B3GNT3: variants seen among roughly 807,000 people sequenced by gnomAD.
B3GNT3 encodes UDP-GlcNAc:betaGal beta-1,3-N-acetylglucosaminyltransferase 3.
B3GNT3 carries 7 observed loss-of-function variants against 11.6 expected under a neutral mutation model. The ratio of observed to expected loss-of-function variants is 0.60; its 90% CI spans 0.34 to 1.13. The LOEUF (loss-of-function observed/expected upper bound fraction) is 1.13. Among genes scored for constraint, B3GNT3 ranks in the 50% most tolerant of loss-of-function variants. B3GNT3 has a pLI of 0.03. For missense variants in B3GNT3, 400 were observed against 507.4 expected, an observed-to-expected ratio of 0.79 and a Z score of 2.03; for synonymous variants, 201 against 222.1, an observed-to-expected ratio of 0.90 and a Z score of 0.85.
intron 1 of B3GNT3, among the ~76,000 whole-genome samples, chr19:17,800,381 G>A (rs921953892): frequency 6.6e-6 from 1 of 151,972 alleles, no homozygotes; most frequent in Non-Finnish European, 1.5e-5. Context: ...TCTGTCTCCA[G>A]AATAAAACCA....
chr19:17,811,619 G>C lies in B3GNT3; in HGVS notation c.616G>C (p.Val206Leu), dbSNP rs756035897. Residue 206 changes from valine (V) to leucine (L), a missense_variant, in exon 3 of 3, where the codon GTG becomes CTG. Physicochemically the swap from Val to Leu is conservative, Grantham distance 32 (BLOSUM62 1). Transcript: ENST00000318683. The surrounding 1 kb of genome is among the most constrained non-coding windows in gnomAD (Gnocchi z 4.1). ...GACAAGGTGCGCCAACGCCAGCTTCGTGCTCAACGGGGATGATGACGTCTT... is the reference window on the plus strand; with the variant it reads ...GACAAGGTGCGCCAACGCCAGCTTCCTGCTCAACGGGGATGATGACGTCTT... The part of the protein sequence containing the change: ...QETRCANASF[V>L]LNGDDDVFAH... 5.0e-6 allele frequency: 8 copies of C among 1,613,896 alleles called. No homozygotes were observed. The Admixed American group carries it at 1.0e-4, about 20-fold the overall frequency.
At chr19:17,808,786 G>A (rs1408739829) in intron 2 of B3GNT3, among the ~76,000 whole-genome samples, 1 of 152,124 alleles carries the variant, frequency 6.6e-6, no homozygotes, top group Non-Finnish European at 1.5e-5. Context: ...GACCAGTGCT[G>A]GATGTCCAAC....
intron 1 of B3GNT3, among the ~76,000 whole-genome samples, chr19:17,800,284 A>G (rs1192348417): frequency 6.6e-6 from 1 of 152,052 alleles, no homozygotes; most frequent in Non-Finnish European, 1.5e-5. Context: ...CTGAGGCAGG[A>G]GGATCGCTTG....
chr19:17,812,906 G>C lies in B3GNT3; in HGVS notation c.*784G>C, dbSNP rs1036098768. On this transcript the variant is annotated 3_prime_UTR_variant, in exon 3 of 3. Coordinates refer to ENST00000318683, the MANE Select transcript of B3GNT3 (RefSeq NM_014256.4). ...CTCACTACTGCCTGGAGAAGGGAGA[G>C]ATTCAGGTCCTCCAGCAGCCTCCCT... is the stretch of plus-strand genomic sequence containing the variant. 3 of 111,486 alleles carry C rather than the reference G, an allele frequency of 2.7e-5. No individual in the cohort carries two copies. The highest frequency in any genetic ancestry group is 2.4e-4 in the Admixed American group (3 of 12,716). 6.9% of individuals were successfully genotyped at this position (111,486 alleles called of 1,614,324 possible).
Position 17,807,921 on chromosome 19 carries a change from G to A in B3GNT3, c.114G>A (p.Glu38=). Residue 38 remains glutamate, a synonymous_variant, in exon 2 of 3, where the codon GAG becomes GAA. Coordinates refer to ENST00000318683, the MANE Select transcript of B3GNT3 (RefSeq NM_014256.4). ...CACCACCCACCTGCAAGGTCCAGGAGCAGCCACCGGCGATCCCCGAGGCCC... is the reference window on the plus strand; with the variant it reads ...CACCACCCACCTGCAAGGTCCAGGAACAGCCACCGGCGATCCCCGAGGCCC... ...LVSPPTCKVQ[E]QPPAIPEALA... is the part of the protein sequence containing the mutation. The A allele has an allele frequency of 6.2e-7, 1 of 1,613,402 alleles. No homozygotes were observed. Among genetic ancestry groups the A allele is most frequent in the South Asian group, 1.1e-5 (1 of 91,076 alleles).
At chr19:17,807,651 C>A in intron 1 of B3GNT3, 107 bp from the exon 2 acceptor site, 1 of 690,456 alleles carries the variant, frequency 1.4e-6, no homozygotes, top group Non-Finnish European at 2.4e-6. Context: ...GGGTGAATTT[C>A]AATATTTTGC....
At chr19:17,800,717 A>G (rs1599844152) in intron 1 of B3GNT3, among the ~76,000 whole-genome samples, 2 of 152,172 alleles carry the variant, frequency 1.3e-5, no homozygotes, top group East Asian at 3.9e-4. Flanking sequence ...CTGTAATCCC[A>G]GCACTTTGGG....
Position 17,812,620 on chromosome 19 carries a change from G to C in B3GNT3, c.*498G>C, listed in dbSNP as rs927441886. ...GGGGTCCTGATCTTAACCCTTTCCT[G>C]GGTCTCAGACAACTCAGAAGGTTGG... On this transcript the variant is annotated 3_prime_UTR_variant, in exon 3 of 3. Transcript: ENST00000318683. 6.4e-6 allele frequency: 1 copy of C among 156,884 alleles called. No individual in the cohort carries two copies. Among genetic ancestry groups the C allele is most frequent in the African/African-American group, 2.4e-5 (1 of 41,574 alleles). The allele number at this position is 156,884 out of a possible 1,614,324, so 9.7% of individuals were successfully genotyped here.
At chr19:17,802,079 T>C (rs540978756) in intron 1 of B3GNT3, among the ~76,000 whole-genome samples, 71 of 150,846 alleles carry the variant, frequency 4.7e-4, no homozygotes, top group Admixed American at 1.9e-3. Context: ...CCTAGCAAGA[T>C]TCTGTCTCCA....
Position 17,811,895 on chromosome 19 carries a change from G to T in B3GNT3, c.892G>T (p.Val298Phe). 1 of 1,613,970 alleles carries T rather than the reference G, an allele frequency of 6.2e-7. No homozygotes were observed. The highest frequency in any genetic ancestry group is 8.5e-7 in the Non-Finnish European group (1 of 1,180,040). Reference sequence around the variant, plus strand: ...CTTGGACATCTTCCCCATTGATGATGTCTTCCTGGGTATGTGTCTGGAGCT... The same window carrying T: ...CTTGGACATCTTCCCCATTGATGATTTCTTCCTGGGTATGTGTCTGGAGCT... ...HVLDIFPIDD[V>F]FLGMCLELEG... Residue 298 changes from valine (V) to phenylalanine (F), a missense_variant, in exon 3 of 3, where the codon GTC becomes TTC. Transcript: ENST00000318683. The surrounding 1 kb of genome is among the most constrained non-coding windows in gnomAD (Gnocchi z 4.1).
chr19:17,796,049 G>A (rs1299793871), intron 1 of B3GNT3, among the ~76,000 whole-genome samples: 3 of 152,026 alleles, frequency 2.0e-5, no homozygotes, highest in Admixed American at 1.3e-4. Flanking sequence ...CAAGAATCCC[G>A]ACCATCTTTT....
chr19:17,798,586 G>A (rs539683684), intron 1 of B3GNT3, among the ~76,000 whole-genome samples: 2 of 151,848 alleles, frequency 1.3e-5, no homozygotes, highest in East Asian at 1.9e-4. Flanking sequence ...CAGGAGAATC[G>A]CTTGAACCCT....
chr19:17,809,406 T>G (rs916751488), intron 2 of B3GNT3, among the ~76,000 whole-genome samples: 1 of 151,742 alleles, frequency 6.6e-6, no homozygotes, highest in Admixed American at 6.6e-5. Flanking sequence ...AGACCTCATC[T>G]TTTTCAAAAA....
intron 1 of B3GNT3, 40 bp from the exon 2 acceptor site, chr19:17,807,718 T>G: frequency 7.7e-7 from 1 of 1,291,856 alleles, no homozygotes; most frequent in African/African-American, 1.5e-5. Context: ...GAAAAGCGCT[T>G]TGCTCATGGC....
chr19:17,797,205 G>A (rs1012796014), intron 1 of B3GNT3, among the ~76,000 whole-genome samples: 2 of 152,168 alleles, frequency 1.3e-5, no homozygotes, highest in African/African-American at 4.8e-5. Flanking sequence ...ACAGGACCTG[G>A]CATATTGATC....
chr19:17,806,945 A>G (rs1319730947), intron 1 of B3GNT3, among the ~76,000 whole-genome samples: 3 of 70,578 alleles, frequency 4.3e-5, no homozygotes, highest in Non-Finnish European at 7.7e-5. Context: ...CCATCTCAAG[A>G]AAAAAAAAAA....
At chr19:17,802,787 C>T (rs1456331075) in intron 1 of B3GNT3, among the ~76,000 whole-genome samples, 1 of 152,130 alleles carries the variant, frequency 6.6e-6, no homozygotes, top group East Asian at 1.9e-4. Context: ...AAGTGATCCT[C>T]CCACCTCAGC....
intron 1 of B3GNT3, among the ~76,000 whole-genome samples, chr19:17,798,525 G>A (rs1320961954): frequency 6.6e-6 from 1 of 152,076 alleles, no homozygotes; most frequent in Non-Finnish European, 1.5e-5. Context: ...ACAAAAATTA[G>A]CTGGGCATGG....
At position 17,808,105 on chromosome 19, in the gene B3GNT3, C is replaced by G. The variant is rs199643062; in HGVS notation, c.298C>G (p.Pro100Ala). 6.6e-5 allele frequency: 107 copies of G among 1,613,916 alleles called. No individual in the cohort carries two copies. The highest frequency in any genetic ancestry group is 4.9e-4 in the Middle Eastern group (3 of 6,062). Residue 100 changes from proline to alanine, a missense_variant, in exon 2 of 3, where the codon CCC (proline) becomes GCC (alanine). Coordinates refer to ENST00000318683, the MANE Select transcript of B3GNT3 (RefSeq NM_014256.4). The part of the protein sequence containing the change: ...RHFPLLQDVP[P>A]SKCAQPVFLL... ...CTTTCCCCTGCTGCAGGACGTGCCC[C>G]CCTCTAAGTGCGCGCAGCCGGTCTT...
Sources: gnomAD v4.1 joint callset for allele counts (sites outside exome capture counted in the v4.1 genomes callset) on GRCh38, gnomAD v4.1.1 for gene constraint, Gnocchi (gnomAD v3.1) non-coding constraint, MANE v1.5 for transcripts, NCBI Gene and HGNC (gene_info 2026-07-23, HGNC 2026-07-21) for gene names.